Variants in PHACTR1 observed in about 807,000 individuals in gnomAD.
The protein encoded by PHACTR1 is RPEL repeat containing 1.
PHACTR1 carries 16 observed loss-of-function variants against 69.2 expected under a neutral mutation model. That is an observed-to-expected ratio of 0.23 (90% CI 0.16 to 0.35). The LOEUF is 0.35. PHACTR1 is among the 10% of genes least tolerant of loss of function. The pLI, the probability that PHACTR1 is intolerant of heterozygous loss-of-function variation, is 1.00. For missense variants in PHACTR1, 510 were observed against 734.7 expected, an observed-to-expected ratio of 0.69 and a Z score of 3.54; for synonymous variants, 312 against 284.5, an observed-to-expected ratio of 1.10 and a Z score of -0.97.
Position 13,287,347 on chromosome 6 carries a change from A to G in PHACTR1, c.*269A>G. 1 of 501,950 alleles carries G rather than the reference A, an allele frequency of 2.0e-6. No individual in the cohort carries two copies. The highest frequency in any genetic ancestry group is 3.5e-6 in the Non-Finnish European group (1 of 282,922). 31.1% of individuals were successfully genotyped at this position (501,950 alleles called of 1,614,324 possible). On this transcript the variant is annotated 3_prime_UTR_variant, in exon 15 of 15. Coordinates refer to ENST00000332995, the MANE Select transcript of PHACTR1 (RefSeq NM_030948.6). The stretch of plus-strand genomic sequence containing the variant: ...TGCCAAGGGCACCAGCAGGGCCCTG[A>G]CTGAAGACTGTCTGGCAGGTGGAAC...
At chr6:13,005,445 T>G (rs934984454) in intron 4 of PHACTR1, among the ~76,000 whole-genome samples, 4 of 152,190 alleles carry the variant, frequency 2.6e-5, no homozygotes, top group African/African-American at 9.6e-5. Context: ...GATTTACCCT[T>G]TGATTCTTGC....
chr6:13,175,101 C>T (rs939591358), intron 6 of PHACTR1, among the ~76,000 whole-genome samples: 8 of 152,062 alleles, frequency 5.3e-5, no homozygotes, highest in Non-Finnish European at 1.0e-4. Flanking sequence ...TATGTGAAAA[C>T]TTTACTTACA....
In PHACTR1 at chr6:13,283,511, C is replaced by T; in HGVS notation, c.1599C>T (p.Asp533=). The T allele has an allele frequency of 6.2e-7, 1 of 1,613,900 alleles. No homozygotes were observed. Among genetic ancestry groups the T allele is most frequent in the Non-Finnish European group, 8.5e-7 (1 of 1,179,870 alleles). ...ACGTGGAGGTGGCTGACGCTCAGGACTATGACCGCAGGGCAGATAAGCCGT... is the reference window on the plus strand; with the variant it reads ...ACGTGGAGGTGGCTGACGCTCAGGATTATGACCGCAGGGCAGATAAGCCGT... ...SDYVEVADAQ[D]YDRRADKPWT... is the part of the protein sequence containing the mutation. Residue 533 remains aspartate (D), a synonymous_variant, in exon 13 of 15, where the codon GAC becomes GAT. Coordinates refer to ENST00000332995, the MANE Select transcript of PHACTR1 (RefSeq NM_030948.6). The surrounding 1 kb of genome is among the most constrained non-coding windows in gnomAD (Gnocchi z 4.7).
At position 13,107,679 on chromosome 6, in the gene PHACTR1, A is replaced by T. The variant is rs562298103; in HGVS notation, c.416-52525A>T. On this transcript the variant is annotated intron_variant, in intron 5 of 14. Transcript: ENST00000332995. ...AAGTTGTTCACAATATTCCATTATT[A>T]TCCATTTAATGTCTATAGTATCAGT... Among the ~76,000 whole-genome samples, 9 of 152,288 alleles carry T rather than the reference A, an allele frequency of 5.9e-5. No individual in the cohort carries two copies. The East Asian group carries it at 1.7e-3, about 29-fold the overall frequency.
At chr6:13,207,228 TCTGTGTATATTA>T (rs1766072406) in intron 8 of PHACTR1, among the ~76,000 whole-genome samples, 1 of 152,230 alleles carries the variant, frequency 6.6e-6, no homozygotes, top group African/African-American at 2.4e-5. Flanking sequence ...ACTTTTTAAT[TCTGTGTATATTA>T]CTTTTATGAT....
rs115613567 is a variant in PHACTR1, at chr6:12,774,701, T to G, written c.250+24911T>G. Among the ~76,000 whole-genome samples the G allele has an allele frequency of 9.0e-3, 1,373 of 152,244 alleles. 21 individuals carry two copies. The highest frequency in any genetic ancestry group is 0.031 in the African/African-American group (1,302 of 41,544). On this transcript the variant is annotated intron_variant, in intron 4 of 14. Coordinates refer to ENST00000332995, the MANE Select transcript of PHACTR1 (RefSeq NM_030948.6). ...AGATGTGAGCCACCGTGCCTGACCA[T>G]TATTTGAATATATTCAAGGCAATAC...
chr6:12,795,489 C>T (rs1772867493), intron 4 of PHACTR1, among the ~76,000 whole-genome samples: 1 of 152,076 alleles, frequency 6.6e-6, no homozygotes, highest in African/African-American at 2.4e-5. Context: ...TGGGGAAGAA[C>T]ATTTTGATTC....
chr6:12,775,395 A>G (rs571226047), intron 4 of PHACTR1, among the ~76,000 whole-genome samples: 2 of 152,230 alleles, frequency 1.3e-5, no homozygotes, highest in Non-Finnish European at 2.9e-5. Flanking sequence ...TTAACTAGTA[A>G]TATAGTAAAT....
At chr6:13,248,421 T>G (rs750474166) in intron 10 of PHACTR1, among the ~76,000 whole-genome samples, 3 of 152,252 alleles carry the variant, frequency 2.0e-5, no homozygotes, top group Non-Finnish European at 2.9e-5. Context: ...TATCACATAT[T>G]AAGTGATCTC....
At chr6:13,200,961 A>C (rs1396657873) in intron 7 of PHACTR1, among the ~76,000 whole-genome samples, 1 of 151,908 alleles carries the variant, frequency 6.6e-6, no homozygotes, top group African/African-American at 2.4e-5. Context: ...AAAAAAAAGA[A>C]AAAAATTAAA....
At chr6:12,848,943 G>T (rs905165682) in intron 4 of PHACTR1, among the ~76,000 whole-genome samples, 7 of 150,584 alleles carry the variant, frequency 4.6e-5, no homozygotes, top group Non-Finnish European at 2.9e-5. Context: ...ACTTCTCAAA[G>T]CACATTTAAT....
At chr6:13,008,132 T>C (rs552974735) in intron 4 of PHACTR1, among the ~76,000 whole-genome samples, 2 of 152,354 alleles carry the variant, frequency 1.3e-5, no homozygotes, top group Admixed American at 6.5e-5. Flanking sequence ...CTGGAGCTTA[T>C]ATCAAAAGTC....
At position 12,864,216 on chromosome 6, in the gene PHACTR1, T is replaced by C. The variant is rs543889022; in HGVS notation, c.250+114426T>C. Among the ~76,000 whole-genome samples the C allele has an allele frequency of 4.6e-5, 7 of 152,304 alleles. No individual in the cohort carries two copies. In the South Asian group the frequency reaches 1.5e-3, roughly 32 times the overall value. On this transcript the variant is annotated intron_variant, in intron 4 of 14. Transcript: ENST00000332995. Reference sequence around the variant, plus strand: ...GGTTCTCAAACTTTTACTGCATGTATGTGAATTGCCTGAAGGGGTTGTACA... The same window carrying C: ...GGTTCTCAAACTTTTACTGCATGTACGTGAATTGCCTGAAGGGGTTGTACA...
At chr6:13,102,366 A>G (rs571418475) in intron 5 of PHACTR1, among the ~76,000 whole-genome samples, 93 of 152,298 alleles carry the variant, frequency 6.1e-4, no homozygotes, top group African/African-American at 2.2e-3. Flanking sequence ...GGAGAAGGTC[A>G]TTGGCCTTAT....
chr6:12,780,675 T>A (rs1209354721), intron 4 of PHACTR1, among the ~76,000 whole-genome samples: 1 of 152,186 alleles, frequency 6.6e-6, no homozygotes, highest in Non-Finnish European at 1.5e-5. Flanking sequence ...GGTGCTTTTG[T>A]AAGCTGCCTG....
intron 4 of PHACTR1, among the ~76,000 whole-genome samples, chr6:12,755,921 G>C (rs908902969): frequency 2.0e-5 from 3 of 152,112 alleles, no homozygotes; most frequent in Middle Eastern, 3.2e-3. Flanking sequence ...GGAATTCACA[G>C]AAAGAAGGAT....
chr6:13,255,956 G>T (rs574206843), intron 10 of PHACTR1, among the ~76,000 whole-genome samples: 2 of 150,850 alleles, frequency 1.3e-5, no homozygotes, highest in African/African-American at 4.9e-5. Context: ...GGGACTCTGT[G>T]GGGGGGGCTC....
At chr6:13,176,569 G>A (rs1219390506) in intron 6 of PHACTR1, among the ~76,000 whole-genome samples, 1 of 152,034 alleles carries the variant, frequency 6.6e-6, no homozygotes, top group Non-Finnish European at 1.5e-5. Context: ...CTTCTGTTTG[G>A]TGTACAACAT....
intron 4 of PHACTR1, among the ~76,000 whole-genome samples, chr6:13,006,406 T>C (rs1306421635): frequency 6.6e-6 from 1 of 152,250 alleles, no homozygotes; most frequent in Non-Finnish European, 1.5e-5. Context: ...TGAGCTTTGC[T>C]GTAAACTCAT....
Sources: allele counts gnomAD v4.1 joint callset (sites outside exome capture counted in the v4.1 genomes callset), GRCh38; gene constraint gnomAD v4.1.1; non-coding constraint Gnocchi (gnomAD v3.1); transcripts MANE v1.5; gene names NCBI Gene and HGNC (gene_info 2026-07-23, HGNC 2026-07-21).